CYTH2: variants seen among roughly 807,000 people sequenced by gnomAD.
CYTH2 encodes the protein cytohesin-2.
A neutral mutation model predicts 55.4 loss-of-function variants in CYTH2; 24 were observed. The ratio of observed to expected loss-of-function variants is 0.43; its 90% CI spans 0.31 to 0.61. CYTH2 has a LOEUF of 0.61. CYTH2 is among the 20% of genes least tolerant of loss of function. The probability of loss-of-function intolerance (pLI) is 0.08; values close to 1 mark genes in which losing one functional copy is unlikely to be tolerated. For synonymous variants in CYTH2, 221 were observed against 209.6 expected (o/e 1.05, Z -0.47); for missense variants, 378 against 533.5 (o/e 0.71, Z 2.87).
rs549628587 is a variant in CYTH2 at position 48,470,413 on chromosome 19, A to G, written c.80A>G (p.Gln27Arg). Residue 27 changes from glutamine (Q) to arginine (R), a missense_variant, in exon 2 of 12, where the codon CAG becomes CGG. By Grantham distance (43) the Gln-to-Arg change is conservative (BLOSUM62 1). Coordinates refer to ENST00000452733, the MANE Select transcript of CYTH2 (RefSeq NM_004228.7). ...CTGGAGAACATCCGGCGGCGGAAGC[A>G]GGAGCTGCTGGTGGAGATTCAGCGC... ...MELENIRRRK[Q>R]ELLVEIQRLR... is the part of the protein sequence containing the mutation. The G allele has an allele frequency of 8.1e-6, 13 of 1,614,086 alleles. No homozygotes were observed. In the South Asian group the frequency reaches 9.9e-5, roughly 12 times the overall value.
Position 48,478,474 on chromosome 19 carries a change from C to T in CYTH2, c.994C>T (p.Gln332Ter), listed in dbSNP as rs1569092710. 6.2e-7 allele frequency: 1 copy of T among 1,614,164 alleles called. No individual in the cohort carries two copies. The highest frequency in any genetic ancestry group is 8.5e-7 in the Non-Finnish European group (1 of 1,180,014). ...FELYIPNNKG[Q>*]LIKACKTEAD... Reference sequence around the variant, plus strand: ...ACTTTACATCCCCAACAACAAGGGGCAGCTCATCAAAGCCTGCAAAACTGA... The same window carrying T: ...ACTTTACATCCCCAACAACAAGGGGTAGCTCATCAAAGCCTGCAAAACTGA... Residue 332 changes from glutamine (Q) to a stop codon, truncating the protein, a stop_gained, in exon 11 of 12, where the codon CAG becomes TAG. Transcript: ENST00000452733. LOFTEE classifies it high-confidence loss of function.
chr19:48,470,658 G>A lies in CYTH2; in HGVS notation c.223G>A (p.Asp75Asn), dbSNP rs770968634. 2.5e-6 allele frequency: 4 copies of A among 1,614,210 alleles called. No individual in the cohort carries two copies. The highest frequency in any genetic ancestry group is 3.4e-6 in the Non-Finnish European group (4 of 1,180,044). Residue 75 changes from aspartate to asparagine, a missense_variant, in exon 3 of 12, where the codon GAC becomes AAC. Asp to Asn is a conservative substitution (Grantham distance 23). Coordinates refer to ENST00000452733, the MANE Select transcript of CYTH2 (RefSeq NM_004228.7). ...AATGGGCAGGAAGAAGTTCAACATG[G>A]ACCCCAAGAAGGTGCTTGGGGCCAC... ...MAMGRKKFNM[D>N]PKKGIQFLVE...
At position 48,481,847 on chromosome 19, in the gene CYTH2, T is replaced by G. The variant is rs776541007; in HGVS notation, c.*2637T>G. On this transcript the variant is annotated 3_prime_UTR_variant, in exon 12 of 12. Coordinates refer to ENST00000452733, the MANE Select transcript of CYTH2 (RefSeq NM_004228.7). ...TTCTTTTGGGTGGCAATGGTTTGGA[T>G]ATCGTTTGTCCTCACTAAAATTCAT... The G allele has an allele frequency of 1.3e-5, 2 of 152,516 alleles. No individual in the cohort carries two copies. Among genetic ancestry groups the G allele is most frequent in the Non-Finnish European group, 2.9e-5 (2 of 68,240 alleles). 9.4% of individuals were successfully genotyped at this position (152,516 alleles called of 1,614,324 possible).
Position 48,478,067 on chromosome 19 carries a change from A to G in CYTH2, c.809-2A>G. The G allele has an allele frequency of 6.2e-7, 1 of 1,613,658 alleles. No individual in the cohort carries two copies. Among genetic ancestry groups the G allele is most frequent in the Non-Finnish European group, 8.5e-7 (1 of 1,179,794 alleles). On this transcript the variant is annotated splice_acceptor_variant, in intron 8 of 11. Transcript: ENST00000452733. LOFTEE classifies it high-confidence loss of function. ...GGCCCCCTCCCACCCCTTCCCTTTC[A>G]GGGGGCCGGGTGAAGACGTGGAAGC...
intron 3 of CYTH2, 32 bp from the exon 4 acceptor site, chr19:48,472,293 C>G: frequency 6.2e-7 from 1 of 1,607,464 alleles, no homozygotes; most frequent in Non-Finnish European, 8.5e-7. Context: ...CTTTCTGGCC[C>G]TCAGCACTGA....
In CYTH2 at chr19:48,474,817, A is replaced by C; in HGVS notation, c.697-21A>C. 1.2e-6 allele frequency: 2 copies of C among 1,611,446 alleles called. No individual in the cohort carries two copies. Among genetic ancestry groups the C allele is most frequent in the South Asian group, 2.2e-5 (2 of 91,006 alleles). On this transcript the variant is annotated intron_variant, in intron 7 of 11. Transcript: ENST00000452733. This position sits in a 1 kb window ranked among gnomAD's most constrained non-coding sequence, Gnocchi z 4.9. ...GGGGCCCCAGGGGGCTCGAATGGCT[A>C]ATGCAGCCTTTACTCCTCAGAACCT...
chr19:48,470,740 C>T, intron 3 of CYTH2, 71 bp downstream of exon 3: 1 of 1,565,518 alleles, frequency 6.4e-7, no homozygotes, highest in Non-Finnish European at 8.8e-7. Context: ...CCTCCGGGTT[C>T]CAGAAGCGTG....
chr19:48,474,287 G>A lies in CYTH2; in HGVS notation c.653G>A (p.Arg218Gln). The change falls in exon 7 of 12, where the codon CGG (arginine) becomes CAG (glutamine). Residue 218 changes from arginine to glutamine, a missense_variant. Arg to Gln is a conservative substitution (Grantham distance 43). Coordinates refer to ENST00000452733, the MANE Select transcript of CYTH2 (RefSeq NM_004228.7). The surrounding 1 kb of genome is among the most constrained non-coding windows in gnomAD (Gnocchi z 4.9). ...PGLERFVAMNRGINEGGDLPE... is the reference protein window; with the variant it reads ...PGLERFVAMNQGINEGGDLPE... The stretch of plus-strand genomic sequence containing the variant: ...CTGGAGCGCTTTGTGGCCATGAACC[G>A]GGGCATCAACGAGGGCGGGGACCTG... 2.5e-6 allele frequency: 4 copies of A among 1,613,134 alleles called. No homozygotes were observed. Among genetic ancestry groups the A allele is most frequent in the South Asian group, 1.1e-5 (1 of 90,978 alleles).
chr19:48,473,199 G>T, intron 4 of CYTH2, 99 bp from the exon 5 acceptor site: 1 of 1,298,754 alleles, frequency 7.7e-7, no homozygotes. Context: ...GGGCAGCTGT[G>T]GTGCAGTAGA....
At chr19:48,472,070 G>A (rs947722481) in intron 3 of CYTH2, among the ~76,000 whole-genome samples, 1 of 152,180 alleles carries the variant, frequency 6.6e-6, no homozygotes, top group Non-Finnish European at 1.5e-5. Context: ...AAGAGAAAAT[G>A]TACTGAGCAC....
rs1269442198 is a variant in CYTH2 at position 48,474,755 on chromosome 19, C to A, written c.697-83C>A. On this transcript the variant is annotated intron_variant, in intron 7 of 11. Coordinates refer to ENST00000452733, the MANE Select transcript of CYTH2 (RefSeq NM_004228.7). The surrounding 1 kb of genome is among the most constrained non-coding windows in gnomAD (Gnocchi z 4.9). The stretch of plus-strand genomic sequence containing the variant: ...TCTTCCCCACTATGAGTCATCCCAT[C>A]CCTGGTCTCGCTGCCCCCCACCCTG... 6.8e-6 allele frequency: 8 copies of A among 1,181,034 alleles called. No homozygotes were observed. Among genetic ancestry groups the A allele is most frequent in the Non-Finnish European group, 8.8e-6 (7 of 793,550 alleles). The allele number at this position is 1,181,034 out of a possible 1,614,324, so 73.2% of individuals were successfully genotyped here.
chr19:48,475,961 C>T (rs1971903995), intron 8 of CYTH2: 3 of 514,304 alleles, frequency 5.8e-6, no homozygotes, highest in East Asian at 1.1e-4. Context: ...CTTCCCGCGG[C>T]AGCAGGAGAG....
At chr19:48,472,669 C>G in intron 4 of CYTH2, 1 of 587,052 alleles carries the variant, frequency 1.7e-6, no homozygotes, top group Non-Finnish European at 3.1e-6. Flanking sequence ...TCTGGAATTA[C>G]CTGGCAGTTG....
chr19:48,479,133 A>T lies in CYTH2; in HGVS notation c.1123A>T (p.Ser375Cys). 6.2e-7 allele frequency: 1 copy of T among 1,613,950 alleles called. No homozygotes were observed. Among genetic ancestry groups the T allele is most frequent in the Non-Finnish European group, 8.5e-7 (1 of 1,179,926 alleles). ...CCTCCCCTTCTGCAGGGCGGCTGTG[A>T]GTGTGGACCCCTTCTATGAGATGCT... ...EWIKSIQAAVSVDPFYEMLAA... is the reference protein window; with the variant it reads ...EWIKSIQAAVCVDPFYEMLAA... The change falls in exon 12 of 12, where the codon AGT becomes TGT. Residue 375 changes from serine to cysteine, a missense_variant. Coordinates refer to ENST00000452733, the MANE Select transcript of CYTH2 (RefSeq NM_004228.7).
At position 48,481,379 on chromosome 19, in the gene CYTH2, C is replaced by T. The variant is rs1405399954; in HGVS notation, c.*2169C>T. On this transcript the variant is annotated 3_prime_UTR_variant, in exon 12 of 12. Coordinates refer to ENST00000452733, the MANE Select transcript of CYTH2 (RefSeq NM_004228.7). Reference sequence around the variant, plus strand: ...GCCAGGCTGCATCACGTCACACTGACCTTCAGCATTGCCCACAGTCCATCT... The same window carrying T: ...GCCAGGCTGCATCACGTCACACTGATCTTCAGCATTGCCCACAGTCCATCT... The T allele has an allele frequency of 6.5e-6, 1 of 154,404 alleles. No individual in the cohort carries two copies. The highest frequency in any genetic ancestry group is 6.5e-5 in the Admixed American group (1 of 15,362). The allele number at this position is 154,404 out of a possible 1,614,324, so 9.6% of individuals were successfully genotyped here.
intron 5 of CYTH2, 30 bp from the exon 6 acceptor site, chr19:48,473,875 G>T (rs967635752): frequency 5.8e-6 from 9 of 1,545,600 alleles, no homozygotes; most frequent in Admixed American, 5.6e-5. Context: ...ACCAGCCCTG[G>T]CATCCATTCC....
chr19:48,469,496 T>C lies in CYTH2; in HGVS notation c.-12T>C. The C allele has an allele frequency of 7.5e-7, 1 of 1,328,028 alleles. No homozygotes were observed. Among genetic ancestry groups the C allele is most frequent in the Non-Finnish European group, 9.7e-7 (1 of 1,031,022 alleles). The allele number at this position is 1,328,028 out of a possible 1,614,324, so 82.3% of individuals were successfully genotyped here. On this transcript the variant is annotated 5_prime_UTR_variant, in exon 1 of 12. Transcript: ENST00000452733. ...GACCGCCCCGGATTCCCCGCGGGCC[T>C]TCCTAGCCGCCATGGAGGACGGCGT...
chr19:48,481,798 C>G lies in CYTH2; in HGVS notation c.*2588C>G, dbSNP rs563889004. 1 of 152,598 alleles carries G rather than the reference C, an allele frequency of 6.6e-6. No individual in the cohort carries two copies. The highest frequency in any genetic ancestry group is 2.0e-4 in the South Asian group (1 of 4,888). 9.5% of individuals were successfully genotyped at this position (152,598 alleles called of 1,614,324 possible). A position where few individuals can be genotyped will look rare whatever the true frequency, so the allele number is the denominator to read the frequency against. The stretch of plus-strand genomic sequence containing the variant: ...AAAGTGCTGGGATTACAGGTGTGAG[C>G]CACCGCGCCAGGCCTCAGCCCACTT... On this transcript the variant is annotated 3_prime_UTR_variant, in exon 12 of 12. Coordinates refer to ENST00000452733, the MANE Select transcript of CYTH2 (RefSeq NM_004228.7).
chr19:48,478,217 G>GGAGGT, intron 9 of CYTH2, 58 bp from the exon 10 acceptor site: 1 of 1,612,744 alleles, frequency 6.2e-7, no homozygotes, highest in Non-Finnish European at 8.5e-7. Flanking sequence ...TGGGGCTGAG[G>GGAGGT]GAGGTGGGGT....
Sources: gnomAD v4.1 joint callset for allele counts (sites outside exome capture counted in the v4.1 genomes callset) on GRCh38, gnomAD v4.1.1 for gene constraint, Gnocchi (gnomAD v3.1) non-coding constraint, MANE v1.5 for transcripts, NCBI Gene and HGNC (gene_info 2026-07-23, HGNC 2026-07-21) for gene names.